Variants in CACNA2D1 observed in about 807,000 individuals in gnomAD.
CACNA2D1 encodes the protein voltage-dependent calcium channel subunit alpha-2/delta-1.
In CACNA2D1, 53 loss-of-function variants were observed where a neutral mutation model predicts 171.5. The ratio of observed to expected loss-of-function variants is 0.31; its 90% CI spans 0.25 to 0.39. The LOEUF is 0.39. CACNA2D1 is among the 10% of genes least tolerant of loss of function. CACNA2D1 has a pLI of 1.00. For synonymous variants in CACNA2D1, 442 were observed against 443.1 expected, an observed-to-expected ratio of 1.00 and a Z score of 0.03; for missense variants, 903 against 1,299.8, an observed-to-expected ratio of 0.69 and a Z score of 4.69.
At chr7:82,363,254 CTTTTTTTTTTT>C (rs35419275) in intron 1 of CACNA2D1, among the ~76,000 whole-genome samples, 23 of 63,432 alleles carry the variant, frequency 3.6e-4, no homozygotes, top group African/African-American at 1.8e-3. Context: ...TTATTTGTCT[CTTTTTTTTTTT>C]TTTTTTTTTT....
At chr7:82,130,135 T>C (rs1442089097) in intron 5 of CACNA2D1, among the ~76,000 whole-genome samples, 2 of 152,182 alleles carry the variant, frequency 1.3e-5, no homozygotes, top group Non-Finnish European at 2.9e-5. Flanking sequence ...GAACTTAGAT[T>C]TATTGGGAAA....
At chr7:81,991,351 C>T (rs548722271) in intron 20 of CACNA2D1, 105 bp from the exon 21 acceptor site, 113 of 704,424 alleles carry the variant, frequency 1.6e-4, no homozygotes, top group Non-Finnish European at 2.8e-4. Context: ...TCATTTAATA[C>T]TCATCTTTAC....
At chr7:82,080,142 CCT>C (rs1809560831) in intron 7 of CACNA2D1, among the ~76,000 whole-genome samples, 6 of 54,824 alleles carry the variant, frequency 1.1e-4, no homozygotes, top group African/African-American at 1.7e-4. Flanking sequence ...TATATACACA[CCT>C]ATATACCTAT....
intron 5 of CACNA2D1, among the ~76,000 whole-genome samples, chr7:82,117,580 G>A (rs1187203641): frequency 6.6e-6 from 1 of 152,178 alleles, no homozygotes; most frequent in Non-Finnish European, 1.5e-5. Context: ...GAGCCCAGGA[G>A]TTCTAGACTA....
chr7:81,987,482 A>C (rs1797091180), intron 21 of CACNA2D1, among the ~76,000 whole-genome samples: 1 of 152,208 alleles, frequency 6.6e-6, no homozygotes, highest in Non-Finnish European at 1.5e-5. Context: ...ATAAAAGTAA[A>C]TTATTCTCTA....
At chr7:81,953,749 A>G (rs1345813380) in intron 38 of CACNA2D1, among the ~76,000 whole-genome samples, 1 of 152,138 alleles carries the variant, frequency 6.6e-6, no homozygotes, top group Non-Finnish European at 1.5e-5. Flanking sequence ...GTTATGATTA[A>G]GTGTTAATTT....
At chr7:82,372,773 C>T (rs1822554354) in intron 1 of CACNA2D1, among the ~76,000 whole-genome samples, 2 of 152,030 alleles carry the variant, frequency 1.3e-5, no homozygotes, top group Non-Finnish European at 2.9e-5. Context: ...TGCAAAGAAT[C>T]TACAGCAATG....
chr7:82,296,502 T>A (rs539471690), intron 3 of CACNA2D1, among the ~76,000 whole-genome samples: 1 of 152,252 alleles, frequency 6.6e-6, no homozygotes, highest in East Asian at 1.9e-4. Flanking sequence ...GCAGGAAGGA[T>A]TTTAGAGAAA....
At chr7:82,168,914 T>C (rs1388861381) in intron 4 of CACNA2D1, among the ~76,000 whole-genome samples, 1 of 152,082 alleles carries the variant, frequency 6.6e-6, no homozygotes, top group African/African-American at 2.4e-5. Context: ...TGTGTCTGTT[T>C]TGAGTTCTCC....
intron 7 of CACNA2D1, 119 bp from the exon 8 acceptor site, chr7:82,066,643 G>A: frequency 7.2e-7 from 1 of 1,382,062 alleles, no homozygotes; most frequent in South Asian, 1.5e-5. Flanking sequence ...GTACTTCAAT[G>A]TTCAAATGAG....
chr7:82,053,728 G>A (rs949183315), intron 10 of CACNA2D1, among the ~76,000 whole-genome samples: 8 of 152,096 alleles, frequency 5.3e-5, no homozygotes, highest in East Asian at 1.9e-4. Flanking sequence ...TTAATTGTGC[G>A]TGTTTCAATA....
intron 1 of CACNA2D1, among the ~76,000 whole-genome samples, chr7:82,389,730 T>C (rs1824876389): frequency 6.6e-6 from 1 of 152,190 alleles, no homozygotes; most frequent in Non-Finnish European, 1.5e-5. Context: ...GTTAACTGTA[T>C]TTAATTTCCT....
intron 7 of CACNA2D1, among the ~76,000 whole-genome samples, chr7:82,078,427 T>A (rs1355393825): frequency 6.6e-6 from 1 of 152,154 alleles, no homozygotes; most frequent in Non-Finnish European, 1.5e-5. Flanking sequence ...GTACCTATGG[T>A]TTTTATGATG....
At chr7:82,096,836 T>C (rs1417177120) in intron 6 of CACNA2D1, among the ~76,000 whole-genome samples, 2 of 151,986 alleles carry the variant, frequency 1.3e-5, no homozygotes. Context: ...AATCACTATT[T>C]AATAATTCTT....
chr7:82,200,392 T>G (rs1330428470), intron 3 of CACNA2D1, among the ~76,000 whole-genome samples: 1 of 152,058 alleles, frequency 6.6e-6, no homozygotes, highest in Non-Finnish European at 1.5e-5. Context: ...TATTTTGGGT[T>G]TTAAAGCATT....
intron 3 of CACNA2D1, among the ~76,000 whole-genome samples, chr7:82,249,108 T>G (rs1309014282): frequency 1.4e-5 from 2 of 144,064 alleles, no homozygotes; most frequent in Non-Finnish European, 3.0e-5. Context: ...AGAGTGAGAC[T>G]CCATCTCAAA....
chr7:81,999,381 T>C (rs1448759712), intron 18 of CACNA2D1, among the ~76,000 whole-genome samples: 2 of 152,188 alleles, frequency 1.3e-5, no homozygotes, highest in Admixed American at 1.3e-4. Flanking sequence ...TGCACACCCA[T>C]TGTTTTTGTC....
chr7:82,131,626 T>C (rs1021221745), intron 5 of CACNA2D1, among the ~76,000 whole-genome samples: 2 of 152,222 alleles, frequency 1.3e-5, no homozygotes, highest in African/African-American at 4.8e-5. Flanking sequence ...GCAGTTAGTA[T>C]GCCAATTAGC....
chr7:82,134,892 G>A (rs1791425927), intron 5 of CACNA2D1, among the ~76,000 whole-genome samples: 1 of 151,994 alleles, frequency 6.6e-6, no homozygotes, highest in South Asian at 2.1e-4. Flanking sequence ...GCTCAAATGG[G>A]CAACTTTGAA....
Sources: gnomAD v4.1 joint callset for allele counts (sites outside exome capture counted in the v4.1 genomes callset) on GRCh38, gnomAD v4.1.1 for gene constraint, MANE v1.5 for transcripts, NCBI Gene and HGNC (gene_info 2026-07-23, HGNC 2026-07-21) for gene names.